ZZZ3: variants seen among roughly 807,000 people sequenced by gnomAD.
The protein encoded by ZZZ3 is zinc finger ZZ-type containing 3.
ZZZ3 carries 22 observed loss-of-function variants against 95.2 expected under a neutral mutation model. That is an observed-to-expected ratio of 0.23 (90% CI 0.17 to 0.33). ZZZ3 has a LOEUF of 0.33. Among genes scored for constraint, ZZZ3 ranks in the 10% least tolerant of loss-of-function variants. The pLI, the probability that ZZZ3 is intolerant of heterozygous loss-of-function variation, is 1.00. For missense variants in ZZZ3, 885 were observed against 1,066.5 expected (o/e 0.83, Z 2.37); for synonymous variants, 335 against 358.9 (o/e 0.93, Z 0.75).
At chr1:77,678,164 T>A (rs1276540236) in intron 1 of ZZZ3, among the ~76,000 whole-genome samples, 3 of 152,228 alleles carry the variant, frequency 2.0e-5, no homozygotes, top group Admixed American at 1.3e-4. Flanking sequence ...ATTCTAATTA[T>A]CTGCTTTACT....
chr1:77,648,759 A>C (rs1247531756), intron 1 of ZZZ3, among the ~76,000 whole-genome samples: 1 of 152,208 alleles, frequency 6.6e-6, no homozygotes, highest in African/African-American at 2.4e-5. Context: ...AAAAGACTGA[A>C]AGAGAAGCAG....
Position 77,565,792 on chromosome 1 carries a change from G to C in ZZZ3, c.2568-8C>G, listed in dbSNP as rs1312522185. 1 of 1,602,162 alleles carries C rather than the reference G, an allele frequency of 6.2e-7. No homozygotes were observed. Among genetic ancestry groups the C allele is most frequent in the African/African-American group, 1.4e-5 (1 of 74,004 alleles). On this transcript the variant is annotated splice_region_variant and splice_polypyrimidine_tract_variant and intron_variant, in intron 14 of 14. Transcript: ENST00000370801. ...ATATCTGTTTCATGTAGACTGTAAA[G>C]AAAAAAAGACACACATCATTACATG...
At chr1:77,647,007 A>C (rs1238209503) in intron 1 of ZZZ3, among the ~76,000 whole-genome samples, 2 of 152,226 alleles carry the variant, frequency 1.3e-5, no homozygotes, top group African/African-American at 4.8e-5. Context: ...AGTATTGATC[A>C]GTAAAACAGG....
intron 1 of ZZZ3, among the ~76,000 whole-genome samples, chr1:77,642,244 A>G (rs941387311): frequency 6.6e-6 from 1 of 150,836 alleles, no homozygotes; most frequent in African/African-American, 2.4e-5. Context: ...TTGGAGAAAT[A>G]GATCTACACA....
intron 12 of ZZZ3, 77 bp from the exon 13 acceptor site, chr1:77,568,543 A>G: frequency 2.7e-6 from 2 of 739,310 alleles, no homozygotes; most frequent in Non-Finnish European, 4.1e-6. Context: ...CTGATACAGA[A>G]TATTTTTCTA....
chr1:77,645,930 C>A (rs1488606964), intron 1 of ZZZ3, among the ~76,000 whole-genome samples: 1 of 149,050 alleles, frequency 6.7e-6, no homozygotes, highest in African/African-American at 2.5e-5. Context: ...GAGATCACAC[C>A]ACTGCACTTC....
intron 1 of ZZZ3, among the ~76,000 whole-genome samples, chr1:77,645,109 C>T (rs1478063938): frequency 6.6e-6 from 1 of 151,882 alleles, no homozygotes; most frequent in Non-Finnish European, 1.5e-5. Flanking sequence ...GTGGTGTGCA[C>T]CTGTTGTAGT....
intron 14 of ZZZ3, 77 bp from the exon 15 acceptor site, chr1:77,565,861 A>G: frequency 7.2e-7 from 1 of 1,388,784 alleles, no homozygotes; most frequent in Non-Finnish European, 9.7e-7. Flanking sequence ...GCTTCCTCAC[A>G]GCTCTCCCTG....
At chr1:77,625,284 C>A (rs559721583) in intron 5 of ZZZ3, among the ~76,000 whole-genome samples, 2 of 152,186 alleles carry the variant, frequency 1.3e-5, no homozygotes, top group Non-Finnish European at 2.9e-5. Flanking sequence ...TGAAACACAG[C>A]CCCTAAACCG....
At position 77,565,381 on chromosome 1, in the gene ZZZ3, CA is replaced by C. The variant is rs1234592095; in HGVS notation, c.*258del. On this transcript the variant is annotated 3_prime_UTR_variant, in exon 15 of 15. Coordinates refer to ENST00000370801, the MANE Select transcript of ZZZ3 (RefSeq NM_015534.6). ...ATGTGTGCTCTCGTTCCATCTCACC[CA>C]TTTAAGATCACCACCTAAAACGCAG... 9 of 373,810 alleles carry C rather than the reference CA, an allele frequency of 2.4e-5. No individual in the cohort carries two copies. The highest frequency in any genetic ancestry group is 1.7e-4 in the African/African-American group (8 of 47,728). The allele number at this position is 373,810 out of a possible 1,614,324, so 23.2% of individuals were successfully genotyped here.
chr1:77,670,907 G>A (rs278858), intron 1 of ZZZ3, among the ~76,000 whole-genome samples: 55,810 of 151,120 alleles, frequency 0.37, 11,767 homozygotes, highest in African/African-American at 0.57. Flanking sequence ...CAGGTGCATG[G>A]TACATACACA....
At chr1:77,668,658 A>G (rs1268795022) in intron 1 of ZZZ3, among the ~76,000 whole-genome samples, 1 of 151,808 alleles carries the variant, frequency 6.6e-6, no homozygotes, top group Non-Finnish European at 1.5e-5. Context: ...AAAAAAAAAA[A>G]AAAAAAAAGT....
Position 77,565,611 on chromosome 1 carries a change from A to C in ZZZ3, c.*29T>G. The C allele has an allele frequency of 6.2e-7, 1 of 1,607,622 alleles. No individual in the cohort carries two copies. The highest frequency in any genetic ancestry group is 8.5e-7 in the Non-Finnish European group (1 of 1,176,776). On this transcript the variant is annotated 3_prime_UTR_variant, in exon 15 of 15. Coordinates refer to ENST00000370801, the MANE Select transcript of ZZZ3 (RefSeq NM_015534.6). Reference sequence around the variant, plus strand: ...ATGATACCATTGCTATGTGTTGAAGAGGACTAGTAAATGATGTTCTCTTCC... The same window carrying C: ...ATGATACCATTGCTATGTGTTGAAGCGGACTAGTAAATGATGTTCTCTTCC...
chr1:77,643,128 G>A (rs147742942), intron 1 of ZZZ3, among the ~76,000 whole-genome samples: 98 of 151,884 alleles, frequency 6.5e-4, no homozygotes, highest in African/African-American at 2.3e-3. Context: ...TAGAGGGGCA[G>A]TGAGACCTGA....
intron 1 of ZZZ3, among the ~76,000 whole-genome samples, chr1:77,641,945 C>T (rs970843406): frequency 2.0e-5 from 3 of 152,086 alleles, no homozygotes; most frequent in Admixed American, 1.3e-4. Flanking sequence ...TTTCTTACCA[C>T]CAATATAGAC....
intron 5 of ZZZ3, among the ~76,000 whole-genome samples, chr1:77,623,338 C>T (rs919990454): frequency 2.0e-5 from 3 of 152,050 alleles, no homozygotes; most frequent in African/African-American, 7.2e-5. Context: ...GCATAGAGGT[C>T]CTCTTGAGTC....
chr1:77,632,555 G>C lies in ZZZ3; in HGVS notation c.800C>G (p.Pro267Arg). 1 of 1,614,144 alleles carries C rather than the reference G, an allele frequency of 6.2e-7. No homozygotes were observed. Among genetic ancestry groups the C allele is most frequent in the Non-Finnish European group, 8.5e-7 (1 of 1,180,018 alleles). ...GACCTGCACTTGTGAATCTGTGCAA[G>C]GCACCTTATGGTCTATATAACTGTC... Reference protein sequence around the residue: ...KEDSYIDHKVPCTDSQVQVKL... With the variant: ...KEDSYIDHKVRCTDSQVQVKL... The change falls in exon 5 of 15, where the codon CCT becomes CGT. Residue 267 changes from proline (P) to arginine (R), a missense_variant. Coordinates refer to ENST00000370801, the MANE Select transcript of ZZZ3 (RefSeq NM_015534.6).
chr1:77,675,630 T>TC (rs981506362), intron 1 of ZZZ3, among the ~76,000 whole-genome samples: 1 of 152,178 alleles, frequency 6.6e-6, no homozygotes, highest in African/African-American at 2.4e-5. Context: ...TATTATTTTT[T>TC]CACACTCAAA....
intron 1 of ZZZ3, among the ~76,000 whole-genome samples, chr1:77,642,315 T>A (rs2100909071): frequency 6.6e-6 from 1 of 152,158 alleles, no homozygotes; most frequent in Admixed American, 6.5e-5. Context: ...AGTTTATCAG[T>A]GAAAAAAAGG....
Sources: allele counts gnomAD v4.1 joint callset (sites outside exome capture counted in the v4.1 genomes callset), GRCh38; gene constraint gnomAD v4.1.1; transcripts MANE v1.5; gene names NCBI Gene and HGNC (gene_info 2026-07-23, HGNC 2026-07-21).